SOX6: variants seen among roughly 807,000 people sequenced by gnomAD.
The protein encoded by SOX6 is SRY-box transcription factor 6.
A neutral mutation model predicts 97.8 loss-of-function variants in SOX6; 11 were observed. That is an observed-to-expected ratio of 0.11 (90% CI 0.07 to 0.19). The LOEUF (loss-of-function observed/expected upper bound fraction) is 0.19. Ranked by LOEUF, SOX6 falls within the 10% of genes least tolerant of loss-of-function variation. The pLI is 1.00. For synonymous variants in SOX6, 360 were observed against 371.4 expected (o/e 0.97, Z 0.35); for missense variants, 810 against 1,039.5 (o/e 0.78, Z 3.04).
intron 3 of SOX6, among the ~76,000 whole-genome samples, chr11:16,648,223 G>T (rs1224508186): frequency 6.6e-6 from 1 of 152,054 alleles, no homozygotes; most frequent in Non-Finnish European, 1.5e-5. Flanking sequence ...GCTAGCTGAG[G>T]CCACTTGCTA....
chr11:16,368,090 T>A (rs1471585887), intron 1 of SOX6, among the ~76,000 whole-genome samples: 2 of 152,178 alleles, frequency 1.3e-5, no homozygotes, highest in African/African-American at 2.4e-5. Flanking sequence ...CTATAGTCTC[T>A]TACTTGTCTA....
intron 4 of SOX6, among the ~76,000 whole-genome samples, chr11:16,522,525 C>A (rs1173487886): frequency 2.6e-5 from 4 of 152,098 alleles, no homozygotes; most frequent in Non-Finnish European, 4.4e-5. Context: ...ACTGCAAAAT[C>A]ATGCCAAAAT....
chr11:16,081,098 AT>A (rs1848463440), intron 9 of SOX6, among the ~76,000 whole-genome samples: 2 of 152,080 alleles, frequency 1.3e-5, no homozygotes, highest in African/African-American at 2.4e-5. Flanking sequence ...CTAAAAAAAA[AT>A]AATAATAATT....
intron 4 of SOX6, among the ~76,000 whole-genome samples, chr11:16,486,337 G>C (rs1860433489): frequency 6.6e-6 from 1 of 151,920 alleles, no homozygotes; most frequent in Non-Finnish European, 1.5e-5. Flanking sequence ...ATTCCTTCAT[G>C]CCCCTTGCTT....
chr11:16,623,482 T>C (rs1462169271), intron 3 of SOX6, among the ~76,000 whole-genome samples: 3 of 152,182 alleles, frequency 2.0e-5, no homozygotes, highest in Admixed American at 2.0e-4. Flanking sequence ...GATGTATAGA[T>C]TGTGAAGATT....
chr11:16,330,965 A>G (rs1190125078), intron 2 of SOX6, among the ~76,000 whole-genome samples: 1 of 152,180 alleles, frequency 6.6e-6, no homozygotes, highest in East Asian at 1.9e-4. Context: ...TCTTTTTGAC[A>G]ATTTATGGCA....
chr11:15,986,447 C>T (rs1212550400), intron 14 of SOX6, 27 bp from the exon 15 acceptor site: 1 of 1,609,324 alleles, frequency 6.2e-7, no homozygotes, highest in African/African-American at 1.3e-5. Flanking sequence ...CCTTAAGTAC[C>T]CAAGTGGTCA....
chr11:15,990,292 T>A (rs1016239862), intron 13 of SOX6, among the ~76,000 whole-genome samples: 5 of 152,102 alleles, frequency 3.3e-5, no homozygotes, highest in Non-Finnish European at 5.9e-5. Context: ...GGTTTTCAAC[T>A]CATATGCAAA....
chr11:16,072,627 T>C (rs561021459), intron 9 of SOX6, among the ~76,000 whole-genome samples: 1 of 151,974 alleles, frequency 6.6e-6, no homozygotes, highest in Non-Finnish European at 1.5e-5. Context: ...AAGATGACTG[T>C]CCCTAAGACA....
chr11:16,737,241 C>G (rs964417843), intron 1 of SOX6, among the ~76,000 whole-genome samples: 1 of 152,224 alleles, frequency 6.6e-6, no homozygotes, highest in African/African-American at 2.4e-5. Context: ...GAGTCTCGTT[C>G]TGTCACCCAG....
intron 12 of SOX6, among the ~76,000 whole-genome samples, chr11:16,016,714 A>G (rs1475516814): frequency 1.3e-5 from 2 of 151,986 alleles, no homozygotes; most frequent in African/African-American, 4.8e-5. Flanking sequence ...AAAAGAATTA[A>G]AGTGGAGATG....
At position 16,310,744 on chromosome 11, in the gene SOX6, C is replaced by T. The variant is rs556127923; in HGVS notation, c.445+7702G>A. Among the ~76,000 whole-genome samples the T allele has an allele frequency of 3.8e-4, 57 of 151,980 alleles. 1 individual carries two copies. The highest frequency in any genetic ancestry group is 6.0e-4 in the Non-Finnish European group (41 of 67,904). On this transcript the variant is annotated intron_variant, in intron 3 of 15. Coordinates refer to ENST00000683767, the MANE Select transcript of SOX6 (RefSeq NM_001367873.1). ...TTAAAGTGTTTCTTATGCAAAAACC[C>T]GAAACCTTTCCAAATTTTCCTTTTA...
intron 1 of SOX6, among the ~76,000 whole-genome samples, chr11:16,383,229 G>A (rs1328770727): frequency 6.6e-6 from 1 of 151,856 alleles, no homozygotes; most frequent in Non-Finnish European, 1.5e-5. Context: ...CCACACTTAT[G>A]TCACTACATT....
At chr11:16,716,095 G>C (rs900696879) in intron 2 of SOX6, among the ~76,000 whole-genome samples, 1 of 152,120 alleles carries the variant, frequency 6.6e-6, no homozygotes, top group Non-Finnish European at 1.5e-5. Flanking sequence ...ATTTATCCAG[G>C]CATGGTGGTG....
intron 4 of SOX6, among the ~76,000 whole-genome samples, chr11:16,602,517 T>C (rs1005842899): frequency 1.3e-5 from 2 of 152,192 alleles, no homozygotes; most frequent in African/African-American, 2.4e-5. Flanking sequence ...GGAAAAAAAC[T>C]ACATGTCATT....
intron 2 of SOX6, among the ~76,000 whole-genome samples, chr11:16,329,340 C>G (rs529335722): frequency 3.9e-5 from 6 of 152,240 alleles, no homozygotes; most frequent in East Asian, 3.9e-4. Context: ...CCAAACCTGT[C>G]AAGACAGGGA....
At chr11:16,200,572 A>G (rs1851907751) in intron 4 of SOX6, among the ~76,000 whole-genome samples, 1 of 152,158 alleles carries the variant, frequency 6.6e-6, no homozygotes, top group African/African-American at 2.4e-5. Flanking sequence ...CTCTTTCTAA[A>G]ATGTAAATAG....
At chr11:15,993,806 G>A (rs538946894) in intron 13 of SOX6, among the ~76,000 whole-genome samples, 2 of 152,250 alleles carry the variant, frequency 1.3e-5, no homozygotes, top group East Asian at 1.9e-4. Flanking sequence ...AAGAGAAGAC[G>A]AAATTGAGTT....
chr11:16,637,855 A>T (rs1425900955), intron 3 of SOX6, among the ~76,000 whole-genome samples: 1 of 151,964 alleles, frequency 6.6e-6, no homozygotes, highest in Non-Finnish European at 1.5e-5. Flanking sequence ...TTTATAGGCA[A>T]GGCCTGGAAG....
Sources: allele counts gnomAD v4.1 joint callset (sites outside exome capture counted in the v4.1 genomes callset), GRCh38; gene constraint gnomAD v4.1.1; transcripts MANE v1.5; gene names NCBI Gene and HGNC (gene_info 2026-07-23, HGNC 2026-07-21).